Variants in CSMD1 observed in about 807,000 individuals in gnomAD.
The protein encoded by CSMD1 is CUB and Sushi multiple domains 1.
CSMD1 carries 213 observed loss-of-function variants against 417.5 expected under a neutral mutation model. That is an observed-to-expected ratio of 0.51 (90% CI 0.46 to 0.57). The LOEUF (loss-of-function observed/expected upper bound fraction) is 0.57, where lower values mean the gene tolerates loss of function less well. CSMD1 is among the 20% of genes least tolerant of loss of function. The pLI, the probability that CSMD1 is intolerant of heterozygous loss-of-function variation, is 0.00. For missense variants in CSMD1, 6,923 were observed against 4,529.7 expected, an observed-to-expected ratio of 1.53 and a Z score of -15.17; for synonymous variants, 2,862 against 1,736.8, an observed-to-expected ratio of 1.65 and a Z score of -16.11.
At chr8:4,598,063 G>C (rs899603659) in intron 2 of CSMD1, among the ~76,000 whole-genome samples, 2 of 151,832 alleles carry the variant, frequency 1.3e-5, no homozygotes, top group Non-Finnish European at 2.9e-5. Context: ...TCTTTAATTA[G>C]ATGCAAAAAT....
chr8:4,870,419 AG>A (rs771586527), intron 1 of CSMD1, among the ~76,000 whole-genome samples: 8 of 152,162 alleles, frequency 5.3e-5, no homozygotes, highest in Non-Finnish European at 1.2e-4. Flanking sequence ...ATTTTCTTAA[AG>A]GATGCATAGT....
chr8:3,424,261 C>G (rs1366523733), intron 12 of CSMD1, among the ~76,000 whole-genome samples: 3 of 152,114 alleles, frequency 2.0e-5, no homozygotes, highest in Non-Finnish European at 1.5e-5. Flanking sequence ...TAGAGTTTAT[C>G]ATATTTCTTT....
At chr8:4,383,784 G>T (rs962226432) in intron 3 of CSMD1, among the ~76,000 whole-genome samples, 26 of 152,044 alleles carry the variant, frequency 1.7e-4, no homozygotes, top group African/African-American at 6.3e-4. Flanking sequence ...ATTTTTTCAA[G>T]TGTCAAATGC....
chr8:3,794,197 T>G (rs1799911835), intron 5 of CSMD1, among the ~76,000 whole-genome samples: 2 of 152,104 alleles, frequency 1.3e-5, no homozygotes. Flanking sequence ...GAAGCACTGG[T>G]TTAAGGGGAG....
At chr8:4,468,297 G>A (rs1800314444) in intron 2 of CSMD1, among the ~76,000 whole-genome samples, 1 of 152,100 alleles carries the variant, frequency 6.6e-6, no homozygotes, top group African/African-American at 2.4e-5. Context: ...TTGAGAAAGT[G>A]TTGATCTTCT....
intron 3 of CSMD1, among the ~76,000 whole-genome samples, chr8:4,230,544 A>G (rs944519928): frequency 3.9e-5 from 6 of 152,182 alleles, no homozygotes; most frequent in Middle Eastern, 3.2e-3. Flanking sequence ...CAGTTGCTCA[A>G]TTATATTGGA....
intron 5 of CSMD1, among the ~76,000 whole-genome samples, chr8:3,856,666 C>G (rs1804335347): frequency 6.6e-6 from 1 of 152,156 alleles, no homozygotes; most frequent in South Asian, 2.1e-4. Flanking sequence ...CCAGGGAACT[C>G]CTAAGTGCCC....
At chr8:4,882,019 T>C in intron 1 of CSMD1, among the ~76,000 whole-genome samples, 1 of 152,084 alleles carries the variant, frequency 6.6e-6, no homozygotes. Context: ...CCAACACTTA[T>C]TTGCAATCCT....
chr8:4,678,687 A>C (rs547496229), intron 1 of CSMD1, among the ~76,000 whole-genome samples: 216 of 152,314 alleles, frequency 1.4e-3, no homozygotes, highest in Middle Eastern at 6.8e-3. Flanking sequence ...GAAGGCATCC[A>C]AATAAGATAA....
chr8:3,802,763 G>C (rs1343343145), intron 5 of CSMD1, among the ~76,000 whole-genome samples: 1 of 152,266 alleles, frequency 6.6e-6, no homozygotes, highest in Non-Finnish European at 1.5e-5. Flanking sequence ...GCAAATGCTT[G>C]AAAATTTAAA....
chr8:4,410,409 A>C (rs1796585611), intron 3 of CSMD1, among the ~76,000 whole-genome samples: 1 of 152,154 alleles, frequency 6.6e-6, no homozygotes, highest in Admixed American at 6.6e-5. Flanking sequence ...TATTTAAATT[A>C]ATTTTCCCTA....
chr8:3,984,241 G>A lies in CSMD1; in HGVS notation c.818+13662C>T, dbSNP rs575058205. ...GCACAGTGAAGCCATCCTGCAAAGC[G>A]AGTGGCAAGCTTAACTTCAAATGTC... On this transcript the variant is annotated intron_variant, in intron 5 of 69. Transcript: ENST00000635120. Among the ~76,000 whole-genome samples, 6 of 140,900 alleles carry A rather than the reference G, an allele frequency of 4.3e-5. No homozygotes were observed. The South Asian group carries it at 1.1e-3, about 27-fold the overall frequency. 92.4% of individuals were successfully genotyped at this position (140,900 alleles called of 152,430 possible).
intron 33 of CSMD1, among the ~76,000 whole-genome samples, chr8:3,197,617 C>G (rs1047327894): frequency 2.0e-5 from 3 of 151,884 alleles, no homozygotes; most frequent in East Asian, 1.9e-4. Context: ...AGGTGCCCGC[C>G]ACCACGCCCG....
chr8:4,386,282 C>G (rs190037934), intron 3 of CSMD1, among the ~76,000 whole-genome samples: 2 of 151,914 alleles, frequency 1.3e-5, no homozygotes, highest in African/African-American at 2.4e-5. Context: ...GTTATGACTT[C>G]CATCCCACTC....
chr8:4,888,191 C>A (rs1161393943), intron 1 of CSMD1, among the ~76,000 whole-genome samples: 1 of 151,568 alleles, frequency 6.6e-6, no homozygotes, highest in Non-Finnish European at 1.5e-5. Flanking sequence ...ATATTGTATT[C>A]ATGAAGTATA....
chr8:4,168,934 G>T (rs1462337981), intron 3 of CSMD1, among the ~76,000 whole-genome samples: 3 of 151,992 alleles, frequency 2.0e-5, no homozygotes, highest in Admixed American at 2.0e-4. Context: ...GTTTAACCTT[G>T]GCCTTTGAGG....
At chr8:3,202,945 G>A (rs534431603) in intron 31 of CSMD1, among the ~76,000 whole-genome samples, 21 of 152,218 alleles carry the variant, frequency 1.4e-4, no homozygotes, top group East Asian at 1.4e-3. Flanking sequence ...ATTAGAGAGG[G>A]AGAGGACTTA....
chr8:3,560,697 A>G (rs1159437770), intron 10 of CSMD1, among the ~76,000 whole-genome samples: 2 of 152,178 alleles, frequency 1.3e-5, no homozygotes, highest in Non-Finnish European at 2.9e-5. Context: ...AATTTCTCTC[A>G]GGGTACTTTT....
At chr8:3,483,703 C>A (rs1044278071) in intron 11 of CSMD1, among the ~76,000 whole-genome samples, 4 of 151,968 alleles carry the variant, frequency 2.6e-5, no homozygotes, top group Non-Finnish European at 4.4e-5. Flanking sequence ...AAACTATAGA[C>A]CGATATCTTT....
Sources: gnomAD v4.1 joint callset for allele counts (sites outside exome capture counted in the v4.1 genomes callset) on GRCh38, gnomAD v4.1.1 for gene constraint, MANE v1.5 for transcripts, NCBI Gene and HGNC (gene_info 2026-07-23, HGNC 2026-07-21) for gene names.